MAGT1: variants seen among roughly 807,000 people sequenced by gnomAD.
MAGT1 encodes magnesium transporter 1.
In MAGT1, 4 loss-of-function variants were observed where a neutral mutation model predicts 28.4. The observed-to-expected ratio is 0.14, with a 90% CI of 0.07 to 0.32. The LOEUF (loss-of-function observed/expected upper bound fraction) is 0.32. Among genes scored for constraint, MAGT1 ranks in the 10% least tolerant of loss-of-function variants. MAGT1 has a pLI of 1.00. For missense variants in MAGT1, 193 were observed against 264.5 expected (o/e 0.73, Z 1.88); for synonymous variants, 89 against 89.7 (o/e 0.99, Z 0.04).
At chrX:77,836,199 T>C (rs1557213903) in intron 8 of MAGT1, among the ~76,000 whole-genome samples, 1 of 110,876 alleles carries the variant, frequency 9.0e-6, no homozygotes, top group African/African-American at 3.3e-5. Context: ...ATTGAACTCA[T>C]GGACACAGAG....
intron 3 of MAGT1, among the ~76,000 whole-genome samples, 155 bp from the exon 4 acceptor site, chrX:77,857,652 G>A (rs1363969753): frequency 9.0e-6 from 1 of 111,600 alleles, no homozygotes; most frequent in Admixed American, 9.7e-5. Flanking sequence ...GTAAGTGGTG[G>A]AGCAGGCTTT....
chrX:77,851,311 G>T (rs782173503), intron 7 of MAGT1, among the ~76,000 whole-genome samples: 1 of 110,303 alleles, frequency 9.1e-6, no homozygotes, highest in East Asian at 2.8e-4. Context: ...TACCTCCTGG[G>T]TTCAAGCGAT....
chrX:77,887,303 C>A (rs1009367622), intron 1 of MAGT1, among the ~76,000 whole-genome samples: 1 of 111,430 alleles, frequency 9.0e-6, no homozygotes, highest in East Asian at 2.8e-4. Flanking sequence ...TGCTATGTTG[C>A]GCAGGCTGGT....
chrX:77,885,683 T>C (rs1471023789), intron 1 of MAGT1: 4 of 110,506 alleles, frequency 3.6e-5, no homozygotes, highest in African/African-American at 1.3e-4. Flanking sequence ...CATGCCTAGC[T>C]AATTTTTAAA....
intron 7 of MAGT1, among the ~76,000 whole-genome samples, chrX:77,853,005 A>T (rs1310474361): frequency 8.9e-6 from 1 of 112,223 alleles, no homozygotes; most frequent in African/African-American, 3.2e-5. Context: ...TTATGTACTC[A>T]GGTGGGTAAA....
At chrX:77,864,506 A>G (rs1415436808) in intron 3 of MAGT1, among the ~76,000 whole-genome samples, 1 of 111,504 alleles carries the variant, frequency 9.0e-6, no homozygotes, top group Non-Finnish European at 1.9e-5. Flanking sequence ...TGATCATTCT[A>G]TGAATCTAAC....
intron 6 of MAGT1, 76 bp downstream of exon 6, chrX:77,855,425 G>T: frequency 1.4e-6 from 1 of 724,556 alleles, no homozygotes; most frequent in Non-Finnish European, 2.2e-6. Flanking sequence ...TTCATATGCT[G>T]GCACTGTTCT....
chrX:77,875,027 G>C (rs1005210974), intron 2 of MAGT1, among the ~76,000 whole-genome samples: 3 of 107,845 alleles, frequency 2.8e-5, no homozygotes, highest in Non-Finnish European at 5.8e-5. Flanking sequence ...GCTAATTTTT[G>C]TATTTTTTTT....
intron 8 of MAGT1, among the ~76,000 whole-genome samples, chrX:77,834,663 C>G (rs1557213736): frequency 9.1e-6 from 1 of 110,463 alleles, no homozygotes; most frequent in Admixed American, 9.8e-5. Flanking sequence ...TATGAAACAA[C>G]TATAAGAAAA....
chrX:77,895,488 G>GC (rs1371585992), upstream of MAGT1: 1 of 1,175,560 alleles, frequency 8.5e-7, no homozygotes, highest in Non-Finnish European at 1.1e-6. Context: ...AGGCAAATCG[G>GC]CCCCTTGCCT....
chrX:77,870,398 T>C (rs1458508137), intron 3 of MAGT1, among the ~76,000 whole-genome samples: 2 of 110,402 alleles, frequency 1.8e-5, no homozygotes, highest in Non-Finnish European at 1.9e-5. Context: ...CCCAAAACTA[T>C]TGAAATAAAA....
At chrX:77,883,884 C>T (rs1212501528) in intron 1 of MAGT1, among the ~76,000 whole-genome samples, 2 of 111,043 alleles carry the variant, frequency 1.8e-5, no homozygotes, top group African/African-American at 6.5e-5. Context: ...CAGATCACAA[C>T]AAATGAACTA....
intron 1 of MAGT1, among the ~76,000 whole-genome samples, chrX:77,878,806 A>G (rs868907703): frequency 1.9e-5 from 2 of 103,702 alleles, no homozygotes; most frequent in African/African-American, 7.0e-5. Flanking sequence ...AAAAAAAAAG[A>G]AAAAAAAAAA....
chrX:77,835,835 G>A (rs1331438412), intron 8 of MAGT1, among the ~76,000 whole-genome samples: 1 of 111,025 alleles, frequency 9.0e-6, no homozygotes, highest in African/African-American at 3.3e-5. Flanking sequence ...ATGGAGTCTC[G>A]CTCTGTCACC....
chrX:77,886,419 G>A (rs146057678), intron 1 of MAGT1, among the ~76,000 whole-genome samples: 5,532 of 109,856 alleles, frequency 0.05, 154 homozygotes, highest in Non-Finnish European at 0.076. Flanking sequence ...TTGAGCCCAG[G>A]AGTTCAAGAC....
At chrX:77,877,811 TCAAAATAAAATAAAA>T (rs1569548223) in intron 1 of MAGT1, among the ~76,000 whole-genome samples, 2 of 81,041 alleles carry the variant, frequency 2.5e-5, no homozygotes, top group African/African-American at 8.8e-5. Flanking sequence ...AGACTCTGTC[TCAAAATAAAATAAAA>T]TAAAATAAAA....
intron 7 of MAGT1, among the ~76,000 whole-genome samples, chrX:77,843,987 T>C (rs1569547911): frequency 8.9e-6 from 1 of 111,933 alleles, no homozygotes; most frequent in Non-Finnish European, 1.9e-5. Context: ...GGATTCCCTC[T>C]TTTTCTATTG....
At chrX:77,855,461 C>T (rs1179327672) in intron 6 of MAGT1, 40 bp downstream of exon 6, 6 of 996,237 alleles carry the variant, frequency 6.0e-6, no homozygotes, top group Non-Finnish European at 8.6e-6. Flanking sequence ...ATTGAGTTAA[C>T]TTTGGTCTAC....
chrX:77,859,964 C>T (rs1176547768), intron 3 of MAGT1, among the ~76,000 whole-genome samples: 1 of 112,278 alleles, frequency 8.9e-6, no homozygotes, highest in African/African-American at 3.2e-5. Flanking sequence ...CATTTCCCTA[C>T]ATCCTTGCCA....
Sources: gnomAD v4.1 joint callset for allele counts (sites outside exome capture counted in the v4.1 genomes callset) on GRCh38, gnomAD v4.1.1 for gene constraint, MANE v1.5 for transcripts, NCBI Gene and HGNC (gene_info 2026-07-23, HGNC 2026-07-21) for gene names.